The following CSMD1 variants were observed in gnomAD, a reference collection of about 807,000 sequenced individuals.
CSMD1 encodes the protein CUB and Sushi multiple domains 1.
CSMD1 carries 213 observed loss-of-function variants against 417.5 expected under a neutral mutation model. That is an observed-to-expected ratio of 0.51 (90% CI 0.46 to 0.57). CSMD1 has a LOEUF of 0.57. Ranked by LOEUF, CSMD1 falls within the 20% of genes least tolerant of loss-of-function variation. CSMD1 has a pLI of 0.00. For synonymous variants in CSMD1, 2,862 were observed against 1,736.8 expected, an observed-to-expected ratio of 1.65 and a Z score of -16.11; for missense variants, 6,923 against 4,529.7, an observed-to-expected ratio of 1.53 and a Z score of -15.17.
chr8:4,261,880 G>T (rs1261795109), intron 3 of CSMD1, among the ~76,000 whole-genome samples: 1 of 152,118 alleles, frequency 6.6e-6, no homozygotes, highest in African/African-American at 2.4e-5. Flanking sequence ...GACAAAATGT[G>T]TTAAAAAGTA....
intron 3 of CSMD1, among the ~76,000 whole-genome samples, chr8:4,237,390 G>T (rs1221692628): frequency 4.6e-5 from 7 of 152,008 alleles, no homozygotes; most frequent in Non-Finnish European, 1.0e-4. Flanking sequence ...TATATAAAAT[G>T]AGGTATTGAT....
intron 32 of CSMD1, among the ~76,000 whole-genome samples, chr8:3,200,070 T>A (rs936282547): frequency 6.6e-6 from 1 of 152,116 alleles, no homozygotes; most frequent in Non-Finnish European, 1.5e-5. Flanking sequence ...AAAGCACCAA[T>A]GGTAGGCCTA....
chr8:3,648,047 G>A (rs1049752074), intron 7 of CSMD1, among the ~76,000 whole-genome samples: 1 of 152,214 alleles, frequency 6.6e-6, no homozygotes, highest in Non-Finnish European at 1.5e-5. Flanking sequence ...AGATCTACCT[G>A]CATGGTTGGA....
intron 49 of CSMD1, among the ~76,000 whole-genome samples, chr8:3,053,340 C>T (rs1458919906): frequency 1.3e-5 from 2 of 152,192 alleles, no homozygotes; most frequent in East Asian, 3.9e-4. Context: ...GATGAAGCAG[C>T]ATCTTTATCA....
chr8:4,718,657 A>T lies in CSMD1; in HGVS notation c.86-81099T>A, dbSNP rs1435872438. On this transcript the variant is annotated intron_variant, in intron 1 of 69. Coordinates refer to ENST00000635120, the MANE Select transcript of CSMD1 (RefSeq NM_033225.6). Reference sequence around the variant, plus strand: ...GGAAAACCAAATAAAATCAATTTTTAAAAAATCTATTTTAAACTAAGAAAG... The same window carrying T: ...GGAAAACCAAATAAAATCAATTTTTTAAAAATCTATTTTAAACTAAGAAAG... Among the ~76,000 whole-genome samples, 10 of 152,266 alleles carry T rather than the reference A, an allele frequency of 6.6e-5. No individual in the cohort carries two copies. In the South Asian group the frequency reaches 1.2e-3, roughly 19 times the overall value.
chr8:3,298,177 G>A (rs771372358), intron 25 of CSMD1, among the ~76,000 whole-genome samples: 8 of 152,144 alleles, frequency 5.3e-5, no homozygotes, highest in Non-Finnish European at 1.0e-4. Context: ...AAAACTGATA[G>A]CACCTAATAC....
At chr8:4,700,158 G>A (rs1182932904) in intron 1 of CSMD1, among the ~76,000 whole-genome samples, 1 of 151,968 alleles carries the variant, frequency 6.6e-6, no homozygotes, top group Non-Finnish European at 1.5e-5. Flanking sequence ...GACCTTTCAA[G>A]ACCTATTCAG....
At chr8:4,261,730 C>A (rs1033861818) in intron 3 of CSMD1, among the ~76,000 whole-genome samples, 1 of 151,942 alleles carries the variant, frequency 6.6e-6, no homozygotes, top group East Asian at 1.9e-4. Flanking sequence ...CTTAAATGCC[C>A]CCATCACACA....
intron 5 of CSMD1, among the ~76,000 whole-genome samples, chr8:3,769,274 C>G (rs1357008498): frequency 6.6e-6 from 1 of 152,120 alleles, no homozygotes; most frequent in South Asian, 2.1e-4. Context: ...ATATCAGTAA[C>G]AAACTATAGC....
At chr8:3,900,152 A>G (rs941581344) in intron 5 of CSMD1, among the ~76,000 whole-genome samples, 1 of 142,506 alleles carries the variant, frequency 7.0e-6, no homozygotes, top group East Asian at 2.2e-4. Flanking sequence ...CAGTGCAGCT[A>G]GATGACACCA....
chr8:4,961,569 T>C (rs1463821141), intron 1 of CSMD1, among the ~76,000 whole-genome samples: 1 of 152,178 alleles, frequency 6.6e-6, no homozygotes, highest in African/African-American at 2.4e-5. Flanking sequence ...CGTTAACCAT[T>C]GTTATCTAGT....
intron 7 of CSMD1, chr8:3,704,674 G>C (rs533832102): frequency 6.6e-6 from 1 of 152,108 alleles, no homozygotes; most frequent in Admixed American, 6.6e-5. Flanking sequence ...TTGTGGCCAC[G>C]CCCCTTAATT....
chr8:4,384,628 T>C (rs1013311060), intron 3 of CSMD1, among the ~76,000 whole-genome samples: 5 of 152,180 alleles, frequency 3.3e-5, no homozygotes, highest in African/African-American at 1.2e-4. Flanking sequence ...AGATTTTTTT[T>C]TGTTATTCAA....
chr8:4,517,195 G>A (rs1298828409), intron 2 of CSMD1, among the ~76,000 whole-genome samples: 1 of 152,146 alleles, frequency 6.6e-6, no homozygotes, highest in Admixed American at 6.5e-5. Flanking sequence ...AGCAGTTTAT[G>A]AGACATAATG....
At chr8:3,915,212 C>T (rs565695587) in intron 5 of CSMD1, among the ~76,000 whole-genome samples, 8 of 152,084 alleles carry the variant, frequency 5.3e-5, no homozygotes, top group Admixed American at 2.6e-4. Context: ...TCGAGACCAG[C>T]CTGGCCAACA....
intron 3 of CSMD1, among the ~76,000 whole-genome samples, chr8:4,249,693 G>C (rs1042795249): frequency 6.6e-6 from 1 of 152,144 alleles, no homozygotes; most frequent in African/African-American, 2.4e-5. Flanking sequence ...CTGTTGTAGC[G>C]AAATAAAGCT....
chr8:4,304,334 C>T (rs1465559688), intron 3 of CSMD1, among the ~76,000 whole-genome samples: 1 of 152,110 alleles, frequency 6.6e-6, no homozygotes, highest in African/African-American at 2.4e-5. Flanking sequence ...GTATGTCAAA[C>T]TGATGTCTTA....
At chr8:3,919,030 T>A (rs1809031969) in intron 5 of CSMD1, among the ~76,000 whole-genome samples, 1 of 152,032 alleles carries the variant, frequency 6.6e-6, no homozygotes, top group African/African-American at 2.4e-5. Context: ...CCTATGGAAA[T>A]ATTTTTAAAA....
chr8:3,893,809 A>G (rs1807160538), intron 5 of CSMD1, among the ~76,000 whole-genome samples: 1 of 152,140 alleles, frequency 6.6e-6, no homozygotes, highest in Non-Finnish European at 1.5e-5. Flanking sequence ...GAGCATGCAC[A>G]CTTTGATTTT....
Sources: allele counts gnomAD v4.1 joint callset (sites outside exome capture counted in the v4.1 genomes callset), GRCh38; gene constraint gnomAD v4.1.1; transcripts MANE v1.5; gene names NCBI Gene and HGNC (gene_info 2026-07-23, HGNC 2026-07-21).